The following NRXN2 variants were observed in gnomAD, a reference collection of about 807,000 sequenced individuals.
The protein encoded by NRXN2 is neurexin-2-beta.
Under a neutral mutation model 128.8 loss-of-function variants are expected in NRXN2, and 29 were observed. The ratio of observed to expected loss-of-function variants is 0.23; its 90% CI spans 0.17 to 0.31. NRXN2 has a LOEUF of 0.31. Among genes scored for constraint, NRXN2 ranks in the 10% least tolerant of loss-of-function variants. The pLI is 1.00. For missense variants in NRXN2, 1,881 were observed against 2,452.6 expected, an observed-to-expected ratio of 0.77 and a Z score of 4.92; for synonymous variants, 1,098 against 1,075.2, an observed-to-expected ratio of 1.02 and a Z score of -0.41.
At chr11:64,642,950 C>T (rs1431137419) in intron 17 of NRXN2, 12 of 1,021,148 alleles carry the variant, frequency 1.2e-5, no homozygotes, top group African/African-American at 1.7e-5. Context: ...AGCCTCGGTC[C>T]GGAGCCAACA....
intron 6 of NRXN2, among the ~76,000 whole-genome samples, chr11:64,677,363 C>T (rs933541050): frequency 1.8e-4 from 27 of 151,998 alleles, no homozygotes; most frequent in African/African-American, 6.5e-4. Context: ...ATCCCCTCCC[C>T]GAAGAAGAGC....
In NRXN2 at chr11:64,623,134, G is replaced by T; in HGVS notation, c.3848-56C>A. The T allele has an allele frequency of 6.5e-7, 1 of 1,542,102 alleles. No homozygotes were observed. On this transcript the variant is annotated intron_variant, in intron 20 of 22. Coordinates refer to ENST00000265459, the MANE Select transcript of NRXN2 (RefSeq NM_015080.4). This position sits in a 1 kb window ranked among gnomAD's most constrained non-coding sequence, Gnocchi z 4.9. ...GGGGCAGGCAGTGAGGGGAGACCAGGAAGGGAAGGAAGAAAAGAAGGAAGC... is the reference window on the plus strand; with the variant it reads ...GGGGCAGGCAGTGAGGGGAGACCAGTAAGGGAAGGAAGAAAAGAAGGAAGC...
chr11:64,698,408 A>G (rs2054845867), intron 2 of NRXN2, among the ~76,000 whole-genome samples: 1 of 152,178 alleles, frequency 6.6e-6, no homozygotes, highest in South Asian at 2.1e-4. Context: ...CAGAGAGAAC[A>G]AACATGATTC....
At chr11:64,712,047 G>C (rs1592295441) in intron 2 of NRXN2, among the ~76,000 whole-genome samples, 1 of 152,128 alleles carries the variant, frequency 6.6e-6, no homozygotes, top group Non-Finnish European at 1.5e-5. Context: ...CTTGGCTCGC[G>C]GACCTTCAAA....
chr11:64,615,586 C>G (rs1175641147), intron 22 of NRXN2, among the ~76,000 whole-genome samples: 4 of 152,194 alleles, frequency 2.6e-5, no homozygotes, highest in African/African-American at 9.7e-5. Flanking sequence ...TCTGAGCATA[C>G]ATGGGCCTGG....
In NRXN2 at chr11:64,667,551, A is replaced by G. The variant is rs2135510396; in HGVS notation, c.1497T>C (p.Ser499=). 6.2e-7 allele frequency: 1 copy of G among 1,613,958 alleles called. No homozygotes were observed. The highest frequency in any genetic ancestry group is 8.5e-7 in the Non-Finnish European group (1 of 1,179,996). The change falls in exon 9 of 23, where the codon AGT becomes AGC. Residue 499 remains serine, a synonymous_variant. Transcript: ENST00000265459. This position sits in a 1 kb window ranked among gnomAD's most constrained non-coding sequence, Gnocchi z 5.6. Reference sequence around the variant, plus strand: ...GGGGCAGCGCCACAAAGGCCTCGGGACTCTCAAAGGTCACAGGGTCCAGGG... The same window carrying G: ...GGGGCAGCGCCACAAAGGCCTCGGGGCTCTCAAAGGTCACAGGGTCCAGGG... ...VAALDPVTFE[S]PEAFVALPRW...
At chr11:64,636,546 A>C (rs2044751758) in intron 17 of NRXN2, among the ~76,000 whole-genome samples, 1 of 152,188 alleles carries the variant, frequency 6.6e-6, no homozygotes, top group South Asian at 2.1e-4. Context: ...GGAGCAGATG[A>C]GATTCATAAA....
chr11:64,716,732 G>A (rs1565487677), intron 1 of NRXN2, among the ~76,000 whole-genome samples: 1 of 152,140 alleles, frequency 6.6e-6, no homozygotes, highest in Non-Finnish European at 1.5e-5. Flanking sequence ...GGCCTCTGGG[G>A]GCACAGGGAC....
intron 17 of NRXN2, chr11:64,642,865 A>G: frequency 2.5e-6 from 2 of 801,358 alleles, no homozygotes; most frequent in Non-Finnish European, 3.0e-6. Context: ...GGGGCTGCGC[A>G]GCCCCGCGAA....
chr11:64,688,648 C>T lies in NRXN2; in HGVS notation c.850+1757G>A, dbSNP rs918900907. On this transcript the variant is annotated intron_variant, in intron 5 of 22. Transcript: ENST00000265459. ...CCAGCAGCGCTTGCACAATTACCGC[C>T]CCTAATTGCTCCGGACCGAGAAAGG... The T allele has an allele frequency of 2.4e-5, 24 of 985,290 alleles. No homozygotes were observed. In the African/African-American group the frequency reaches 3.8e-4, roughly 16 times the overall value. 61.0% of individuals were successfully genotyped at this position (985,290 alleles called of 1,614,324 possible).
intron 21 of NRXN2, among the ~76,000 whole-genome samples, chr11:64,621,998 C>T (rs1015019735): frequency 1.3e-5 from 2 of 152,112 alleles, no homozygotes; most frequent in African/African-American, 4.8e-5. Flanking sequence ...GCCCCTCCTC[C>T]CTACCAGTCT....
At position 64,648,223 on chromosome 11, in the gene NRXN2, A is replaced by G. The variant is rs766612189; in HGVS notation, c.3399T>C (p.Asn1133=). The G allele has an allele frequency of 7.4e-6, 12 of 1,614,082 alleles. No homozygotes were observed. The South Asian group carries it at 1.2e-4, about 16-fold the overall frequency. The change falls in exon 17 of 23, where the codon AAT becomes AAC. Residue 1133 remains asparagine, a synonymous_variant. Transcript: ENST00000265459. This position sits in a 1 kb window ranked among gnomAD's most constrained non-coding sequence, Gnocchi z 4.1. ...TMTSYGGPVC[N]DPGTTYIFGK... is the part of the protein sequence containing the mutation. ...CCAGCCCTCCCAGGCACTCACGATC[A>G]TTGCAGACAGGGCCTCCATAGGAAG...
intron 2 of NRXN2, among the ~76,000 whole-genome samples, chr11:64,706,642 G>C (rs904906470): frequency 2.0e-5 from 3 of 152,000 alleles, no homozygotes; most frequent in Non-Finnish European, 4.4e-5. Flanking sequence ...CCTGCTTTAG[G>C]TTCTACTATT....
intron 22 of NRXN2, among the ~76,000 whole-genome samples, chr11:64,613,261 C>T (rs964831761): frequency 6.6e-6 from 1 of 152,234 alleles, no homozygotes; most frequent in Non-Finnish European, 1.5e-5. Flanking sequence ...AGTGAGTGGA[C>T]CTCTGGCTCT....
In NRXN2 at chr11:64,608,062, T is replaced by C. The variant is rs748268502; in HGVS notation, c.4273A>G (p.Ile1425Val). 1 of 1,584,616 alleles carries C rather than the reference T, an allele frequency of 6.3e-7. No homozygotes were observed. Among genetic ancestry groups the C allele is most frequent in the Non-Finnish European group, 8.5e-7 (1 of 1,173,710 alleles). The change falls in exon 23 of 23, where the codon ATT becomes GTT. Residue 1425 changes from isoleucine to valine, a missense_variant. Ile to Val is a conservative substitution (Grantham distance 29, BLOSUM62 3). Transcript: ENST00000265459. ...GGGTCTAAGGAGTCCTCCGTGATAA[T>C]GGGCAATATTAACTCTCCTCCTAGA... Reference protein sequence around the residue: ...PSTGGELILPIITEDSLDPPP... With the variant: ...PSTGGELILPVITEDSLDPPP...
intron 3 of NRXN2, 90 bp downstream of exon 3, chr11:64,697,685 G>T: frequency 1.3e-6 from 2 of 1,483,746 alleles, no homozygotes; most frequent in Non-Finnish European, 1.9e-6. Context: ...TGGCAGGAAA[G>T]GGAGTCCTTG....
In NRXN2 at chr11:64,630,626, T is replaced by A; in HGVS notation, c.3586-53A>T. 6.2e-7 allele frequency: 1 copy of A among 1,602,598 alleles called. No individual in the cohort carries two copies. Among genetic ancestry groups the A allele is most frequent in the Non-Finnish European group, 8.5e-7 (1 of 1,172,064 alleles). On this transcript the variant is annotated intron_variant, in intron 18 of 22. Transcript: ENST00000265459. The surrounding 1 kb of genome is among the most constrained non-coding windows in gnomAD (Gnocchi z 4.6). ...ACCAGAGGGAGCAACCATTCATCCCTTCTAGTGGCTACTCCTGTGACCACC... is the reference window on the plus strand; with the variant it reads ...ACCAGAGGGAGCAACCATTCATCCCATCTAGTGGCTACTCCTGTGACCACC...
intron 18 of NRXN2, among the ~76,000 whole-genome samples, chr11:64,634,907 G>A (rs1174257290): frequency 6.6e-6 from 1 of 152,194 alleles, no homozygotes; most frequent in Non-Finnish European, 1.5e-5. Flanking sequence ...GCAGGCAGCA[G>A]CCCAGGGGAA....
rs186264672 is a variant in NRXN2, at chr11:64,625,728, C to T, written c.3847+735G>A. ...TGGTAACAAGAAGCCTTCTCTCTCACACCCAGCGACACCTCACCACACTGG... is the reference window on the plus strand; with the variant it reads ...TGGTAACAAGAAGCCTTCTCTCTCATACCCAGCGACACCTCACCACACTGG... On this transcript the variant is annotated intron_variant, in intron 20 of 22. Transcript: ENST00000265459. 3.9e-5 allele frequency among the ~76,000 whole-genome samples: 6 copies of T among 152,244 alleles called. No individual in the cohort carries two copies. The East Asian group carries it at 1.2e-3, about 29-fold the overall frequency.
Sources: allele counts gnomAD v4.1 joint callset (sites outside exome capture counted in the v4.1 genomes callset), GRCh38; gene constraint gnomAD v4.1.1; non-coding constraint Gnocchi (gnomAD v3.1); transcripts MANE v1.5; gene names NCBI Gene and HGNC (gene_info 2026-07-23, HGNC 2026-07-21).